CLIP3: variants seen among roughly 807,000 people sequenced by gnomAD.
The protein encoded by CLIP3 is CAP-Gly domain containing linker protein 3.
In CLIP3, 15 loss-of-function variants were observed where a neutral mutation model predicts 59.4. That is an observed-to-expected ratio of 0.25 (90% CI 0.17 to 0.39). The LOEUF is 0.39. Ranked by LOEUF, CLIP3 falls within the 10% of genes least tolerant of loss-of-function variation. The probability of loss-of-function intolerance (pLI) is 1.00; values close to 1 mark genes in which losing one functional copy is unlikely to be tolerated. For missense variants in CLIP3, 495 were observed against 765.7 expected (o/e 0.65, Z 4.17); for synonymous variants, 300 against 321.6 (o/e 0.93, Z 0.72).
chr19:36,024,065 C>T (rs1416753007), intron 7 of CLIP3, among the ~76,000 whole-genome samples: 5 of 152,196 alleles, frequency 3.3e-5, no homozygotes, highest in African/African-American at 4.8e-5. Flanking sequence ...GGGGCCTGAT[C>T]GAGGACCACA....
chr19:36,017,587 G>A, intron 11 of CLIP3, 68 bp downstream of exon 11: 1 of 1,607,812 alleles, frequency 6.2e-7, no homozygotes. Context: ...CTGGGAGGAG[G>A]AGGCCATCTG....
intron 9 of CLIP3, 30 bp downstream of exon 9, chr19:36,018,866 GCT>G (rs1170679192): frequency 9.4e-6 from 15 of 1,602,810 alleles, no homozygotes; most frequent in Non-Finnish European, 1.2e-5. Flanking sequence ...CCCCAAACTG[GCT>G]CTTCCCACCA....
chr19:36,031,462 A>T (rs1969264986), intron 2 of CLIP3, among the ~76,000 whole-genome samples: 1 of 152,230 alleles, frequency 6.6e-6, no homozygotes, highest in African/African-American at 2.4e-5. Context: ...TCCGGCACCC[A>T]GCATAAGGCT....
rs1400679264 is a variant in CLIP3 at position 36,019,304 on chromosome 19, C to T, written c.921G>A (p.Thr307=). Residue 307 remains threonine, a splice_region_variant and synonymous_variant, in exon 8 of 14, where the codon ACG becomes ACA. Coordinates refer to ENST00000360535, the MANE Select transcript of CLIP3 (RefSeq NM_015526.3). ...GDRVLLDGQK[T]GTLRFCGTTE... The stretch of plus-strand genomic sequence containing the variant: ...TGGTCCCACAGAACCGCAGTGTGCC[C>T]GTCTGGGGAGAGAAGGGAGGCGATG... The T allele has an allele frequency of 3.1e-6, 5 of 1,610,724 alleles. No individual in the cohort carries two copies. Among genetic ancestry groups the T allele is most frequent in the Non-Finnish European group, 3.4e-6 (4 of 1,179,440 alleles).
At chr19:36,031,025 T>TTTTTTTTTTTTTTTTTTTTC (rs1969251895) in intron 2 of CLIP3, among the ~76,000 whole-genome samples, 4 of 82,656 alleles carry the variant, frequency 4.8e-5, no homozygotes, top group Non-Finnish European at 6.5e-5. Flanking sequence ...TTTTTTTTCT[T>TTTTTTTTTTTTTTTTTTTTC]TTTTTTTTTT....
At chr19:36,019,607 A>ATTTTTTTTT (rs1413659385) in intron 7 of CLIP3, among the ~76,000 whole-genome samples, 6 of 117,580 alleles carry the variant, frequency 5.1e-5, no homozygotes, top group Admixed American at 1.0e-4. Context: ...TATTTTATTT[A>ATTTTTTTTT]TTTTTTTTTT....
At position 36,016,822 on chromosome 19, in the gene CLIP3, A is replaced by C. The variant is rs1017062393; in HGVS notation, c.1589+85T>G. ...AACCTCTCTTTCCAGCCCTGACCAG[A>C]GCTCCAGACCTCTGGGTCCAACTGC... On this transcript the variant is annotated intron_variant, in intron 13 of 13. Transcript: ENST00000360535. This position sits in a 1 kb window ranked among gnomAD's most constrained non-coding sequence, Gnocchi z 4.1. The C allele has an allele frequency of 1.4e-6, 2 of 1,405,998 alleles. No individual in the cohort carries two copies. The highest frequency in any genetic ancestry group is 2.8e-5 in the African/African-American group (2 of 70,294). 87.1% of individuals were successfully genotyped at this position (1,405,998 alleles called of 1,614,324 possible).
At position 36,032,855 on chromosome 19, in the gene CLIP3, A is replaced by C. The variant is rs1689425830; in HGVS notation, c.-190T>G. The C allele has an allele frequency of 6.9e-6, 1 of 145,526 alleles. No individual in the cohort carries two copies. Among genetic ancestry groups the C allele is most frequent in the Non-Finnish European group, 1.5e-5 (1 of 66,206 alleles). The allele number at this position is 145,526 out of a possible 1,614,324, so 9.0% of individuals were successfully genotyped here. On this transcript the variant is annotated 5_prime_UTR_variant, in exon 1 of 14. Transcript: ENST00000360535. This position sits in a 1 kb window ranked among gnomAD's most constrained non-coding sequence, Gnocchi z 4.3. The stretch of plus-strand genomic sequence containing the variant: ...AAGGGGACGAGGCCCAGACGCCGAC[A>C]GGGGGTGGGGGCGGAGAGGGAGGGG...
chr19:36,016,712 G>C lies in CLIP3; in HGVS notation c.1589+195C>G. ...TTCTGCTTCCTTTACCGGCCCACCC[G>C]AAAGTGGAATTCACTAGAATTCAGT... On this transcript the variant is annotated intron_variant, in intron 13 of 13. Transcript: ENST00000360535. This position sits in a 1 kb window ranked among gnomAD's most constrained non-coding sequence, Gnocchi z 4.1. The C allele has an allele frequency of 1.6e-6, 1 of 610,642 alleles. No homozygotes were observed. Among genetic ancestry groups the C allele is most frequent in the Non-Finnish European group, 2.9e-6 (1 of 343,354 alleles). 37.8% of individuals were successfully genotyped at this position (610,642 alleles called of 1,614,324 possible). A position where few individuals can be genotyped will look rare whatever the true frequency, so the allele number is the denominator to read the frequency against.
chr19:36,019,010 C>T lies in CLIP3; in HGVS notation c.1071G>A (p.Val357=), dbSNP rs762806591. 5.7e-6 allele frequency: 9 copies of T among 1,591,664 alleles called. No individual in the cohort carries two copies. Among genetic ancestry groups the T allele is most frequent in the Non-Finnish European group, 7.7e-6 (9 of 1,168,038 alleles). The change falls in exon 9 of 14, where the codon GTG becomes GTA. Residue 357 remains valine, a synonymous_variant. Transcript: ENST00000360535. The stretch of plus-strand genomic sequence containing the variant: ...CGTCCACTGCCTTGGAGATCTTGGA[C>T]ACGGAGGCAAAGAGACCTAGGGGTA... ...CPPKQGLFAS[V]SKISKAVDAP...
At chr19:36,029,894 C>T (rs1195348345) in intron 2 of CLIP3, among the ~76,000 whole-genome samples, 1 of 152,140 alleles carries the variant, frequency 6.6e-6, no homozygotes, top group Non-Finnish European at 1.5e-5. Context: ...GACAAAACCT[C>T]TCCCGCTCTA....
chr19:36,018,117 G>C, intron 9 of CLIP3, 126 bp from the exon 10 acceptor site: 1 of 1,114,724 alleles, frequency 9.0e-7, no homozygotes, highest in East Asian at 2.6e-5. Flanking sequence ...AATCCCAGAT[G>C]CCAGAGAATT....
chr19:36,019,780 T>G (rs1968908167), intron 7 of CLIP3, among the ~76,000 whole-genome samples: 2 of 151,958 alleles, frequency 1.3e-5, no homozygotes, highest in South Asian at 4.1e-4. Context: ...TTTTTGTATT[T>G]TTAGTAGAGA....
At position 36,018,960 on chromosome 19, in the gene CLIP3, G is replaced by A; in HGVS notation, c.1121C>T (p.Thr374Ile). Residue 374 changes from threonine (T) to isoleucine (I), a missense_variant, in exon 9 of 14, where the codon ACA (threonine) becomes ATA (isoleucine). By Grantham distance (89) the Thr-to-Ile change is moderately conservative (BLOSUM62 -1). Around this residue, in one of 5 missense-constraint regions of CLIP3, gnomAD observed 179 missense variants for 226.2 expected, o/e 0.79. Transcript: ENST00000360535. ...VDAPPSSVTSTPRTPRMDFSR... is the reference protein window; with the variant it reads ...VDAPPSSVTSIPRTPRMDFSR... Reference sequence around the variant, plus strand: ...GAAGTCCATCCGGGGGGTCCGGGGTGTGGAGGTGACAGAGGAGGGGGGTGC... The same window carrying A: ...GAAGTCCATCCGGGGGGTCCGGGGTATGGAGGTGACAGAGGAGGGGGGTGC... The A allele has an allele frequency of 1.2e-6, 2 of 1,610,744 alleles. No individual in the cohort carries two copies. The highest frequency in any genetic ancestry group is 1.7e-6 in the Non-Finnish European group (2 of 1,178,394).
At position 36,026,736 on chromosome 19, in the gene CLIP3, C is replaced by T. The variant is rs776967035; in HGVS notation, c.412G>A (p.Ala138Thr). 8.1e-6 allele frequency: 13 copies of T among 1,596,832 alleles called. No individual in the cohort carries two copies. The change falls in exon 5 of 14, where the codon GCA becomes ACA. Residue 138 changes from alanine to threonine, a missense_variant. Transcript: ENST00000360535. The surrounding 1 kb of genome is among the most constrained non-coding windows in gnomAD (Gnocchi z 6.3). ...AGAHGVGDPAAAVRLSQQLLA... is the reference protein window; with the variant it reads ...AGAHGVGDPATAVRLSQQLLA... ...AGCTGCTGCGAGAGGCGCACGGCTG[C>T]CGCGGGGTCCCCTGCGCGATAGGCC... is the stretch of plus-strand genomic sequence containing the variant.
Position 36,026,121 on chromosome 19 carries a change from CGGGTTCT to C in CLIP3, c.681+19_681+25del. 1 of 1,571,628 alleles carries C rather than the reference CGGGTTCT, an allele frequency of 6.4e-7. No homozygotes were observed. The highest frequency in any genetic ancestry group is 1.1e-5 in the South Asian group (1 of 89,946). ...GGGGAGGAAGGGAGCAGGAGGGTAA[CGGGTTCT>C]GGGCAAGGGTGGCAGTACCCTCAGC... On this transcript the variant is annotated intron_variant, in intron 6 of 13. Transcript: ENST00000360535. The surrounding 1 kb of genome is among the most constrained non-coding windows in gnomAD (Gnocchi z 6.3).
chr19:36,018,066 C>A, intron 9 of CLIP3, 75 bp from the exon 10 acceptor site: 1 of 1,542,836 alleles, frequency 6.5e-7, no homozygotes, highest in Admixed American at 1.8e-5. Flanking sequence ...CCTGGAAAAC[C>A]CCAAGGTAGA....
At chr19:36,017,555 G>C in intron 11 of CLIP3, 100 bp downstream of exon 11, 2 of 1,596,366 alleles carry the variant, frequency 1.3e-6, no homozygotes, top group Non-Finnish European at 1.7e-6. Context: ...GGGCTCGGGG[G>C]TGTCCACACT....
Position 36,026,431 on chromosome 19 carries a change from G to A in CLIP3, c.562+155C>T, listed in dbSNP as rs1313809600. The stretch of plus-strand genomic sequence containing the variant: ...CCCTTGGCAGCCCCGACCCTCCCTA[G>A]AGTGGTAGTCCCTGAGCCCCCTCTC... On this transcript the variant is annotated intron_variant, in intron 5 of 13. Coordinates refer to ENST00000360535, the MANE Select transcript of CLIP3 (RefSeq NM_015526.3). The surrounding 1 kb of genome is among the most constrained non-coding windows in gnomAD (Gnocchi z 6.3). Among the ~76,000 whole-genome samples the A allele has an allele frequency of 7.0e-6, 1 of 142,718 alleles. No individual in the cohort carries two copies. The highest frequency in any genetic ancestry group is 1.5e-5 in the Non-Finnish European group (1 of 66,148). 93.6% of individuals were successfully genotyped at this position (142,718 alleles called of 152,430 possible).
Sources: gnomAD v4.1 joint callset for allele counts (sites outside exome capture counted in the v4.1 genomes callset) on GRCh38, gnomAD v4.1.1 for gene constraint, gnomAD v4.1.1 regional missense constraint, Gnocchi (gnomAD v3.1) non-coding constraint, MANE v1.5 for transcripts, NCBI Gene and HGNC (gene_info 2026-07-23, HGNC 2026-07-21) for gene names.